USP4: variants seen among roughly 807,000 people sequenced by gnomAD.
USP4 encodes ubiquitin specific peptidase 4, also known as ubiquitin carboxyl-terminal hydrolase 4.
USP4 carries 72 observed loss-of-function variants against 118.2 expected under a neutral mutation model. The ratio of observed to expected loss-of-function variants is 0.61; its 90% CI spans 0.50 to 0.74. The LOEUF (loss-of-function observed/expected upper bound fraction) is 0.74, where lower values mean the gene tolerates loss of function less well. Ranked by LOEUF, USP4 falls within the 30% of genes least tolerant of loss-of-function variation. USP4 has a pLI of 0.00. For missense variants in USP4, 1,037 were observed against 1,185.7 expected, an observed-to-expected ratio of 0.87 and a Z score of 1.84; for synonymous variants, 415 against 440.4, an observed-to-expected ratio of 0.94 and a Z score of 0.72.
In USP4 at chr3:49,294,589, G is replaced by A. The variant is rs2047183891; in HGVS notation, c.1701C>T (p.Val567=). ...MPRDDIFVYE[V]CSTSVDGSEC... ...CCGAGCCATCCACGGAAGTGCTGCAGACCTCGTACCTGCGTCAATCACACA... is the reference window on the plus strand; with the variant it reads ...CCGAGCCATCCACGGAAGTGCTGCAAACCTCGTACCTGCGTCAATCACACA... Residue 567 remains valine, a synonymous_variant, in exon 14 of 22, where the codon GTC becomes GTT. Coordinates refer to ENST00000265560, the MANE Select transcript of USP4 (RefSeq NM_003363.4). 6.2e-7 allele frequency: 1 copy of A among 1,613,812 alleles called. No individual in the cohort carries two copies. The highest frequency in any genetic ancestry group is 8.5e-7 in the Non-Finnish European group (1 of 1,179,796).
intron 5 of USP4, 23 bp from the exon 6 acceptor site, chr3:49,324,786 T>A: frequency 6.2e-7 from 1 of 1,614,032 alleles, no homozygotes. Context: ...GGAAACCAAA[T>A]GAGGAGAGTT....
At chr3:49,329,787 A>G (rs148887974) in intron 2 of USP4, among the ~76,000 whole-genome samples, 1 of 152,322 alleles carries the variant, frequency 6.6e-6, no homozygotes, top group East Asian at 1.9e-4. Flanking sequence ...CTTCAGGAGA[A>G]TCACTATCTA....
chr3:49,321,759 C>T (rs369825605), intron 6 of USP4, among the ~76,000 whole-genome samples: 1 of 151,510 alleles, frequency 6.6e-6, no homozygotes, highest in Non-Finnish European at 1.5e-5. Flanking sequence ...TTTGGGAGGC[C>T]GAGGCAGGCG....
At chr3:49,298,510 G>T (rs953899934) in intron 12 of USP4, 42 bp downstream of exon 12, 6 of 1,591,160 alleles carry the variant, frequency 3.8e-6, no homozygotes, top group Non-Finnish European at 4.3e-6. Flanking sequence ...ATGCTATGAA[G>T]TATCCCAAAT....
chr3:49,320,871 TGCTA>T (rs1183226526), intron 6 of USP4, among the ~76,000 whole-genome samples: 2 of 152,146 alleles, frequency 1.3e-5, no homozygotes, highest in African/African-American at 4.8e-5. Flanking sequence ...AGTCGCCTCC[TGCTA>T]GCTATTTTCC....
chr3:49,317,342 G>A, intron 6 of USP4: 1 of 1,262,196 alleles, frequency 7.9e-7, no homozygotes, highest in African/African-American at 1.5e-5. Flanking sequence ...TGCAGCCGCT[G>A]TTTCTTGTCC....
At position 49,289,103 on chromosome 3, in the gene USP4, A is replaced by AAAAC. The variant is rs569719255; in HGVS notation, c.1973-2782_1973-2779dup. Among the ~76,000 whole-genome samples, 414 of 152,134 alleles carry AAAAC rather than the reference A, an allele frequency of 2.7e-3. 3 individuals carry two copies. The highest frequency in any genetic ancestry group is 9.2e-3 in the African/African-American group (384 of 41,524). Reference sequence around the variant, plus strand: ...TCCAGCCTGGGCGACAGAGCAAAAGAAAACAAACAAACAAAAAAACCTTTG... The same window carrying AAAAC: ...TCCAGCCTGGGCGACAGAGCAAAAGAAAACAAACAAACAAACAAAAAAACCTTTG... On this transcript the variant is annotated intron_variant, in intron 15 of 21. Coordinates refer to ENST00000265560, the MANE Select transcript of USP4 (RefSeq NM_003363.4).
intron 6 of USP4, among the ~76,000 whole-genome samples, chr3:49,318,027 G>C (rs1302321191): frequency 6.6e-6 from 1 of 151,566 alleles, no homozygotes; most frequent in East Asian, 1.9e-4. Flanking sequence ...GTAGAGACAG[G>C]GTTTCACCAT....
At chr3:49,333,144 CTTTT>C (rs376262745) in intron 2 of USP4, among the ~76,000 whole-genome samples, 3,398 of 138,766 alleles carry the variant, frequency 0.024, 142 homozygotes, top group African/African-American at 0.085. Context: ...TAGAGTAGCA[CTTTT>C]TTTTTTTTTT....
intron 2 of USP4, among the ~76,000 whole-genome samples, chr3:49,329,093 T>C (rs1559480511): frequency 6.7e-6 from 1 of 149,968 alleles, no homozygotes; most frequent in East Asian, 2.0e-4. Flanking sequence ...AGGAGAATTG[T>C]TTGAACCCAG....
At chr3:49,339,847 A>AG in intron 1 of USP4, 77 bp downstream of exon 1, 2 of 1,222,772 alleles carry the variant, frequency 1.6e-6, no homozygotes, top group Non-Finnish European at 2.4e-6. Flanking sequence ...CCCAGCCCCT[A>AG]CTCTAGCCGA....
In USP4 at chr3:49,284,056, T is replaced by G. The variant is rs539778036; in HGVS notation, c.2471A>C (p.His824Pro). Residue 824 changes from histidine (H) to proline (P), a missense_variant, in exon 19 of 22, where the codon CAC (histidine) becomes CCC (proline). This residue lies in a region of USP4 where 522 missense variants were observed against 592.6 expected (regional missense o/e 0.88). Coordinates refer to ENST00000265560, the MANE Select transcript of USP4 (RefSeq NM_003363.4). ...TCTGTTGTAGGAGAAACGTTTGAGG[T>G]GGACCACCAGGATCTTGGGCAAGGA... is the stretch of plus-strand genomic sequence containing the variant. ...LWSLPKILVVHLKRFSYNRYW... is the reference protein window; with the variant it reads ...LWSLPKILVVPLKRFSYNRYW... 6.2e-7 allele frequency: 1 copy of G among 1,614,258 alleles called. No homozygotes were observed. Among genetic ancestry groups the G allele is most frequent in the East Asian group, 2.2e-5 (1 of 44,892 alleles).
rs537423402 is a variant in USP4 at position 49,328,350 on chromosome 3, C to T, written c.230-534G>A. 1.2e-4 allele frequency among the ~76,000 whole-genome samples: 19 copies of T among 152,116 alleles called. No homozygotes were observed. In the South Asian group the frequency reaches 2.5e-3, roughly 20 times the overall value. On this transcript the variant is annotated intron_variant, in intron 2 of 21. Transcript: ENST00000265560. ...TCCAGCCTGGTGAAAGAGCAAGACT[C>T]CATCTCAAAAATAAATAAATCATAC...
chr3:49,282,230 C>G (rs762243154), intron 19 of USP4, among the ~76,000 whole-genome samples: 1 of 152,002 alleles, frequency 6.6e-6, no homozygotes, highest in African/African-American at 2.4e-5. Context: ...AAGCTTTCTT[C>G]CTCCAATATT....
chr3:49,300,606 G>A lies in USP4; in HGVS notation c.1373C>T (p.Thr458Ile), dbSNP rs759480223. ...VDTFHGLFKS[T>I]LVCPECAKVS... The stretch of plus-strand genomic sequence containing the variant: ...CTTAGCACATTCTGGGCAAACCAAA[G>A]TAGATTTGAAGAGGCCATGGAAAGT... The change falls in exon 11 of 22, where the codon ACT (threonine) becomes ATT (isoleucine). Residue 458 changes from threonine to isoleucine, a missense_variant. Coordinates refer to ENST00000265560, the MANE Select transcript of USP4 (RefSeq NM_003363.4). 1.9e-6 allele frequency: 3 copies of A among 1,614,220 alleles called. No homozygotes were observed. The South Asian group carries it at 3.3e-5, about 18-fold the overall frequency.
intron 11 of USP4, among the ~76,000 whole-genome samples, chr3:49,299,083 TTTTTTTC>T (rs1255304491): frequency 5.3e-5 from 8 of 151,966 alleles, no homozygotes; most frequent in East Asian, 1.9e-4. Flanking sequence ...TCAACTTTCT[TTTTTTTC>T]TTTTTTCTTT....
rs11309567 is a variant in USP4 at position 49,278,142 on chromosome 3, C to CT, written c.*150dup. ...TAGCTTCTTCTAGGTAAACGGTCTT[C>CT]TTTTTTTTTTTTTGTTTCCTTCTGC... On this transcript the variant is annotated 3_prime_UTR_variant, in exon 22 of 22. Coordinates refer to ENST00000265560, the MANE Select transcript of USP4 (RefSeq NM_003363.4). The CT allele has an allele frequency of 4.3e-3, 2,854 of 671,068 alleles. No homozygotes were observed. The highest frequency in any genetic ancestry group is 5.9e-3 in the Middle Eastern group (12 of 2,048). 41.6% of individuals were successfully genotyped at this position (671,068 alleles called of 1,614,324 possible). A position where few individuals can be genotyped will look rare whatever the true frequency, so the allele number is the denominator to read the frequency against.
At position 49,284,146 on chromosome 3, in the gene USP4, G is replaced by T. The variant is rs1470907126; in HGVS notation, c.2391-10C>A. The stretch of plus-strand genomic sequence containing the variant: ...ACAGTTGGGACAGTACCTAAAAAGA[G>T]AAACCTCCACTTAGCAGGGCAAGCC... On this transcript the variant is annotated splice_polypyrimidine_tract_variant and intron_variant, in intron 18 of 21. Coordinates refer to ENST00000265560, the MANE Select transcript of USP4 (RefSeq NM_003363.4). 2.5e-6 allele frequency: 4 copies of T among 1,614,170 alleles called. No homozygotes were observed. The highest frequency in any genetic ancestry group is 1.6e-4 in the Middle Eastern group (1 of 6,062).
In USP4 at chr3:49,278,195, G is replaced by T. The variant is rs2046982243; in HGVS notation, c.*98C>A. ...ATAAAAGAAGGGTATTTCCTTGTCT[G>T]GTTTTTAGACAGAACACTAGCAGTC... On this transcript the variant is annotated 3_prime_UTR_variant, in exon 22 of 22. Coordinates refer to ENST00000265560, the MANE Select transcript of USP4 (RefSeq NM_003363.4). The T allele has an allele frequency of 7.6e-7, 1 of 1,321,392 alleles. No homozygotes were observed. The highest frequency in any genetic ancestry group is 1.9e-5 in the South Asian group (1 of 52,364). 81.9% of individuals were successfully genotyped at this position (1,321,392 alleles called of 1,614,324 possible). A position where few individuals can be genotyped will look rare whatever the true frequency, so the allele number is the denominator to read the frequency against.
Sources: allele counts gnomAD v4.1 joint callset (sites outside exome capture counted in the v4.1 genomes callset), GRCh38; gene constraint gnomAD v4.1.1; regional missense constraint gnomAD v4.1.1; transcripts MANE v1.5; gene names NCBI Gene and HGNC (gene_info 2026-07-23, HGNC 2026-07-21).